The following NXPE2 variants were observed in gnomAD, a reference collection of about 807,000 sequenced individuals.
NXPE2 encodes NXPE family member 2.
A neutral mutation model predicts 34.4 loss-of-function variants in NXPE2; 34 were observed. The observed-to-expected ratio is 0.99, with a 90% CI of 0.75 to 1.31. The LOEUF (loss-of-function observed/expected upper bound fraction) is 1.31, where lower values mean the gene tolerates loss of function less well. Ranked by LOEUF, NXPE2 falls within the 40% of genes most tolerant of loss-of-function variation. The pLI, the probability that NXPE2 is intolerant of heterozygous loss-of-function variation, is 0.00. For missense variants in NXPE2, 649 were observed against 672.5 expected, an observed-to-expected ratio of 0.97 and a Z score of 0.39; for synonymous variants, 235 against 231.3, an observed-to-expected ratio of 1.02 and a Z score of -0.15.
downstream of NXPE2, among the ~76,000 whole-genome samples, chr11:114,709,284 G>A (rs2135579062): frequency 6.6e-6 from 1 of 152,194 alleles, no homozygotes; most frequent in East Asian, 1.9e-4. Context: ...ATTGTAATTG[G>A]TTGCATTTTT....
chr11:114,570,749 T>C, the NXPE2 span: 1 of 502,016 alleles, frequency 2.0e-6, no homozygotes, highest in East Asian at 3.2e-5. Flanking sequence ...TTTTTAGTTT[T>C]ATTTTTAAGT....
chr11:114,776,566 A>ATG, the NXPE2 span, among the ~76,000 whole-genome samples: 3 of 152,160 alleles, frequency 2.0e-5, no homozygotes, highest in African/African-American at 7.2e-5. Context: ...CTGCAGTTGG[A>ATG]TGTGTGCGCA....
chr11:114,639,222 T>C, the NXPE2 span, among the ~76,000 whole-genome samples: 6 of 151,952 alleles, frequency 3.9e-5, no homozygotes, highest in Non-Finnish European at 8.8e-5. Context: ...GATCTCAGAC[T>C]GCTGTGCGAG....
the NXPE2 span, among the ~76,000 whole-genome samples, chr11:114,602,109 T>C: frequency 0.012 from 1,208 of 99,950 alleles, 27 homozygotes; most frequent in African/African-American, 0.047. Flanking sequence ...TATTATAATA[T>C]ATATAATTAT....
the NXPE2 span, among the ~76,000 whole-genome samples, chr11:114,719,455 C>T: frequency 2.0e-5 from 3 of 152,076 alleles, no homozygotes; most frequent in South Asian, 4.1e-4. Flanking sequence ...TCAGGAGGGT[C>T]GGGGAGCTGC....
At chr11:114,723,605 T>A in the NXPE2 span, among the ~76,000 whole-genome samples, 1 of 152,160 alleles carries the variant, frequency 6.6e-6, no homozygotes, top group Non-Finnish European at 1.5e-5. Flanking sequence ...CTAAGTTACC[T>A]TCATAAGGAG....
chr11:114,538,980 C>G, the NXPE2 span, among the ~76,000 whole-genome samples: 1 of 150,128 alleles, frequency 6.7e-6, no homozygotes, highest in African/African-American at 2.5e-5. Flanking sequence ...AAGACACATG[C>G]ACACGTGTGT....
At chr11:114,806,467 A>C in the NXPE2 span, among the ~76,000 whole-genome samples, 1 of 152,136 alleles carries the variant, frequency 6.6e-6, no homozygotes, top group East Asian at 1.9e-4. Flanking sequence ...AGACAAATGG[A>C]TAACTAGAAT....
chr11:114,776,243 C>A, the NXPE2 span, among the ~76,000 whole-genome samples: 3 of 152,228 alleles, frequency 2.0e-5, no homozygotes, highest in African/African-American at 7.2e-5. Flanking sequence ...GGAGAGCCCA[C>A]GAGGAGCAAG....
chr11:114,620,715 G>C, the NXPE2 span, among the ~76,000 whole-genome samples: 1 of 152,028 alleles, frequency 6.6e-6, no homozygotes, highest in Admixed American at 6.5e-5. Context: ...AATAAGTACT[G>C]CCTCTTGGGT....
intron 3 of NXPE2, among the ~76,000 whole-genome samples, chr11:114,703,416 T>G (rs1951403444): frequency 6.6e-6 from 1 of 152,236 alleles, no homozygotes; most frequent in South Asian, 2.1e-4. Context: ...AAGAGCTTGT[T>G]ATTATAGAAA....
chr11:114,735,210 C>A, the NXPE2 span, among the ~76,000 whole-genome samples: 1 of 152,154 alleles, frequency 6.6e-6, no homozygotes, highest in African/African-American at 2.4e-5. Context: ...GCTTTCTTTT[C>A]TCAGCATATT....
the NXPE2 span, among the ~76,000 whole-genome samples, chr11:114,665,860 C>T: frequency 6.6e-6 from 1 of 152,110 alleles, no homozygotes; most frequent in African/African-American, 2.4e-5. Context: ...CATTTATTGA[C>T]CACCTACAAT....
the NXPE2 span, among the ~76,000 whole-genome samples, chr11:114,640,953 T>C: frequency 4.6e-5 from 7 of 152,096 alleles, no homozygotes; most frequent in South Asian, 1.5e-3. Flanking sequence ...AAAAAGGCAG[T>C]AGAACACATA....
the NXPE2 span, chr11:114,582,406 G>A: frequency 4.3e-6 from 7 of 1,614,038 alleles, no homozygotes; most frequent in African/African-American, 5.3e-5. Context: ...AAGCCTTCTT[G>A]GTCTCTGTTG....
At chr11:114,484,232 C>A in the NXPE2 span, among the ~76,000 whole-genome samples, 4 of 152,264 alleles carry the variant, frequency 2.6e-5, no homozygotes, top group East Asian at 7.7e-4. Flanking sequence ...AATTATATAT[C>A]CTGCAAGTTA....
At chr11:114,487,132 TG>T in the NXPE2 span, among the ~76,000 whole-genome samples, 1 of 152,196 alleles carries the variant, frequency 6.6e-6, no homozygotes, top group Non-Finnish European at 1.5e-5. Context: ...TCAATGAATA[TG>T]GAATGTCTTT....
the NXPE2 span, among the ~76,000 whole-genome samples, chr11:114,668,031 A>G: frequency 3.9e-5 from 6 of 152,134 alleles, no homozygotes; most frequent in Non-Finnish European, 8.8e-5. Context: ...TTCTACAGGT[A>G]CACACAGAAG....
intron 2 of NXPE2, among the ~76,000 whole-genome samples, chr11:114,681,440 T>A (rs1287529975): frequency 1.3e-5 from 2 of 152,168 alleles, no homozygotes. Context: ...GGCACAGTGT[T>A]TTATTGGACT....
Sources: gnomAD v4.1 joint callset for allele counts (sites outside exome capture counted in the v4.1 genomes callset) on GRCh38, gnomAD v4.1.1 for gene constraint, MANE v1.5 for transcripts, NCBI Gene and HGNC (gene_info 2026-07-23, HGNC 2026-07-21) for gene names.